Variants in SGCZ observed in about 807,000 individuals in gnomAD.
The protein encoded by SGCZ is zeta-sarcoglycan.
SGCZ carries 40 observed loss-of-function variants against 41.3 expected under a neutral mutation model. The observed-to-expected ratio is 0.97, with a 90% CI of 0.75 to 1.26. The LOEUF (loss-of-function observed/expected upper bound fraction) is 1.26, where lower values mean the gene tolerates loss of function less well. Ranked by LOEUF, SGCZ falls within the 50% of genes most tolerant of loss-of-function variation. The pLI, the probability that SGCZ is intolerant of heterozygous loss-of-function variation, is 0.00. For synonymous variants in SGCZ, 206 were observed against 137.5 expected, an observed-to-expected ratio of 1.50 and a Z score of -3.49; for missense variants, 552 against 369.8, an observed-to-expected ratio of 1.49 and a Z score of -4.04.
chr8:14,640,809 T>C (rs1806999470), intron 1 of SGCZ, among the ~76,000 whole-genome samples: 1 of 151,620 alleles, frequency 6.6e-6, no homozygotes. Flanking sequence ...GCACATCTCA[T>C]CTTTTCTGAT....
chr8:14,240,426 C>A (rs1402321065), intron 3 of SGCZ, among the ~76,000 whole-genome samples: 1 of 151,740 alleles, frequency 6.6e-6, no homozygotes, highest in Non-Finnish European at 1.5e-5. Context: ...TTTACTCTAA[C>A]CGCAGAGAAT....
At chr8:14,575,760 G>T (rs1804688000) in intron 1 of SGCZ, among the ~76,000 whole-genome samples, 1 of 151,816 alleles carries the variant, frequency 6.6e-6, no homozygotes, top group Non-Finnish European at 1.5e-5. Flanking sequence ...CAAAAAACTG[G>T]CCTGGCATGG....
At chr8:14,945,991 C>T (rs1800428160) in intron 1 of SGCZ, among the ~76,000 whole-genome samples, 1 of 102,688 alleles carries the variant, frequency 9.7e-6, no homozygotes, top group African/African-American at 3.8e-5. Flanking sequence ...GCCAATTCCC[C>T]TACTAAATGT....
At chr8:14,928,995 A>G in intron 1 of SGCZ, among the ~76,000 whole-genome samples, 1 of 152,008 alleles carries the variant, frequency 6.6e-6, no homozygotes, top group South Asian at 2.1e-4. Flanking sequence ...TTATTTACTT[A>G]CTTATTTATT....
intron 1 of SGCZ, among the ~76,000 whole-genome samples, chr8:15,205,295 G>C (rs1385118530): frequency 1.3e-5 from 2 of 152,058 alleles, no homozygotes; most frequent in East Asian, 3.9e-4. Flanking sequence ...ACAGAAAAAG[G>C]AACTATCAAC....
chr8:14,470,989 A>G (rs879568753), intron 2 of SGCZ, among the ~76,000 whole-genome samples: 8 of 152,160 alleles, frequency 5.3e-5, no homozygotes, highest in Non-Finnish European at 1.2e-4. Context: ...GCGCTACCCT[A>G]AGTTAACTGA....
intron 4 of SGCZ, among the ~76,000 whole-genome samples, chr8:14,194,414 T>C (rs1805202192): frequency 6.6e-6 from 1 of 151,902 alleles, no homozygotes; most frequent in African/African-American, 2.4e-5. Flanking sequence ...TAATGTAATC[T>C]TAGTTTAATT....
intron 1 of SGCZ, among the ~76,000 whole-genome samples, chr8:15,137,997 T>C (rs1198272854): frequency 6.6e-6 from 1 of 152,006 alleles, no homozygotes; most frequent in Non-Finnish European, 1.5e-5. Flanking sequence ...ATGAAAGCAG[T>C]CCCGGAGGGG....
intron 1 of SGCZ, among the ~76,000 whole-genome samples, chr8:14,750,452 ATAGG>A (rs1799464104): frequency 6.6e-6 from 1 of 152,272 alleles, no homozygotes; most frequent in African/African-American, 2.4e-5. Flanking sequence ...TTCTGCCTTA[ATAGG>A]TAGAAAAATC....
At chr8:14,654,696 C>T (rs990321534) in intron 1 of SGCZ, among the ~76,000 whole-genome samples, 21 of 151,946 alleles carry the variant, frequency 1.4e-4, no homozygotes, top group African/African-American at 5.1e-4. Context: ...CTCAGCCTCC[C>T]AAGTAGCTGG....
chr8:14,095,513 G>T (rs1023055337), intron 7 of SGCZ, among the ~76,000 whole-genome samples: 7 of 152,150 alleles, frequency 4.6e-5, no homozygotes, highest in African/African-American at 1.7e-4. Context: ...TAGCCTTGTA[G>T]TAAAGTTTGA....
intron 1 of SGCZ, among the ~76,000 whole-genome samples, chr8:14,796,465 C>T (rs2243733): frequency 0.33 from 49,961 of 151,644 alleles, 9,748 homozygotes; most frequent in East Asian, 0.49. Context: ...CACAAGGTCA[C>T]TTATTTGAGT....
intron 2 of SGCZ, among the ~76,000 whole-genome samples, chr8:14,462,279 A>G (rs1233930628): frequency 6.6e-6 from 1 of 151,858 alleles, no homozygotes; most frequent in Non-Finnish European, 1.5e-5. Context: ...AGGTGCAAGA[A>G]AAAAAAATGG....
At chr8:15,181,250 T>C (rs139134196) in intron 1 of SGCZ, among the ~76,000 whole-genome samples, 2 of 152,290 alleles carry the variant, frequency 1.3e-5, no homozygotes, top group Non-Finnish European at 1.5e-5. Context: ...TTTATACAAA[T>C]TAGAATAAAG....
intron 2 of SGCZ, among the ~76,000 whole-genome samples, chr8:14,524,831 GT>G (rs147569673): frequency 5.3e-5 from 8 of 151,478 alleles, no homozygotes; most frequent in African/African-American, 1.9e-4. Context: ...TCTCCTTTTT[GT>G]TTTTTTTAAA....
At chr8:14,166,912 A>G (rs1262350659) in intron 4 of SGCZ, among the ~76,000 whole-genome samples, 1 of 152,172 alleles carries the variant, frequency 6.6e-6, no homozygotes, top group Non-Finnish European at 1.5e-5. Flanking sequence ...GATGCATCTA[A>G]GCCATAAATA....
chr8:15,116,348 G>T (rs558596079), intron 1 of SGCZ, among the ~76,000 whole-genome samples: 1 of 151,960 alleles, frequency 6.6e-6, no homozygotes, highest in African/African-American at 2.4e-5. Flanking sequence ...TAAATCTTAC[G>T]GTATGAAATA....
At chr8:14,380,870 C>CA (rs112541866) in intron 2 of SGCZ, among the ~76,000 whole-genome samples, 2,909 of 144,956 alleles carry the variant, frequency 0.02, 72 homozygotes, top group African/African-American at 0.056. Flanking sequence ...AACAAACAAA[C>CA]AAAAAAAAAA....
At chr8:14,581,540 A>C (rs539573039) in intron 1 of SGCZ, among the ~76,000 whole-genome samples, 1 of 152,150 alleles carries the variant, frequency 6.6e-6, no homozygotes, top group Non-Finnish European at 1.5e-5. Context: ...CAAGCCCACA[A>C]CATTAAGTAA....
Sources: gnomAD v4.1 joint callset for allele counts (sites outside exome capture counted in the v4.1 genomes callset) on GRCh38, gnomAD v4.1.1 for gene constraint, MANE v1.5 for transcripts, NCBI Gene and HGNC (gene_info 2026-07-23, HGNC 2026-07-21) for gene names.